Variants in LRGUK observed in about 807,000 individuals in gnomAD.
The protein encoded by LRGUK is leucine-rich repeat and guanylate kinase domain-containing protein.
A neutral mutation model predicts 76.0 loss-of-function variants in LRGUK; 65 were observed. The ratio of observed to expected loss-of-function variants is 0.85; its 90% CI spans 0.70 to 1.05. The LOEUF is 1.05. Ranked by LOEUF, LRGUK falls within the 50% of genes least tolerant of loss-of-function variation. The probability of loss-of-function intolerance (pLI) is 0.00; values close to 1 mark genes in which losing one functional copy is unlikely to be tolerated. For missense variants in LRGUK, 758 were observed against 732.8 expected (o/e 1.03, Z -0.40); for synonymous variants, 268 against 265.6 (o/e 1.01, Z -0.09).
the LRGUK span, among the ~76,000 whole-genome samples, chr7:134,270,642 T>C: frequency 6.6e-6 from 1 of 152,128 alleles, no homozygotes; most frequent in Non-Finnish European, 1.5e-5. Context: ...ATTACATGTA[T>C]TCAGCAATTA....
chr7:134,145,229 G>A lies in LRGUK; in HGVS notation c.588+2067G>A, dbSNP rs185030042. On this transcript the variant is annotated intron_variant, in intron 4 of 15. Coordinates refer to ENST00000645682, the Ensembl canonical transcript of LRGUK. ...GGGAAGGAATGATGGTGGCCTCCTG[G>A]TGTATGTTTTCTTTTCTTTTCTTTT... Among the ~76,000 whole-genome samples, 46 of 152,038 alleles carry A rather than the reference G, an allele frequency of 3.0e-4. 1 individual carries two copies. The highest frequency in any genetic ancestry group is 1.1e-3 in the African/African-American group (45 of 41,462).
chr7:134,190,109 G>C (rs1172936691), intron 11 of LRGUK, among the ~76,000 whole-genome samples: 2 of 152,128 alleles, frequency 1.3e-5, no homozygotes, highest in African/African-American at 2.4e-5. Context: ...TTCATTATTT[G>C]TAAAATAAAA....
chr7:134,180,431 A>G (rs1799693026), intron 10 of LRGUK, among the ~76,000 whole-genome samples: 1 of 152,084 alleles, frequency 6.6e-6, no homozygotes, highest in East Asian at 1.9e-4. Context: ...GATGGATTAA[A>G]TACCTCCTGA....
In LRGUK at chr7:134,148,335, G is replaced by A. The variant is rs369249821; in HGVS notation, c.670+16G>A. ...ATTTTGGATGGTATCCTTTGAATAA[G>A]TAAAGGGGAAAATTTTAAAAACAAT... On this transcript the variant is annotated intron_variant, in intron 5 of 15. Transcript: ENST00000645682. 106 of 1,432,478 alleles carry A rather than the reference G, an allele frequency of 7.4e-5. No individual in the cohort carries two copies. In the African/African-American group the frequency reaches 1.2e-3, roughly 16 times the overall value. The allele number at this position is 1,432,478 out of a possible 1,614,324, so 88.7% of individuals were successfully genotyped here.
intron 15 of LRGUK, among the ~76,000 whole-genome samples, chr7:134,206,653 C>T (rs1040483422): frequency 1.6e-4 from 25 of 151,526 alleles, no homozygotes; most frequent in African/African-American, 5.6e-4. Flanking sequence ...TTCTAATACC[C>T]GAAGGCTTAA....
At chr7:134,275,758 G>A in the LRGUK span, among the ~76,000 whole-genome samples, 1 of 152,070 alleles carries the variant, frequency 6.6e-6, no homozygotes, top group Admixed American at 6.6e-5. Context: ...AATTTCTAGA[G>A]AGCACTAAGT....
chr7:134,183,025 G>A (rs1217818693), intron 10 of LRGUK, among the ~76,000 whole-genome samples: 1 of 152,196 alleles, frequency 6.6e-6, no homozygotes, highest in African/African-American at 2.4e-5. Flanking sequence ...CAAAGTGCTG[G>A]GATTACAGGC....
intron 11 of LRGUK, among the ~76,000 whole-genome samples, chr7:134,189,365 A>C (rs1209728477): frequency 6.6e-6 from 1 of 152,148 alleles, no homozygotes; most frequent in African/African-American, 2.4e-5. Flanking sequence ...CTTCACTATG[A>C]AGCATTTTCT....
intron 8 of LRGUK, among the ~76,000 whole-genome samples, chr7:134,176,743 C>T (rs768732209): frequency 2.6e-5 from 4 of 152,078 alleles, no homozygotes; most frequent in Non-Finnish European, 4.4e-5. Flanking sequence ...TCTCAAATCT[C>T]ACAGGGAGAT....
intron 17 of LRGUK, 32 bp from the exon 18 acceptor site, chr7:134,248,919 G>T (rs759167402): frequency 6.6e-5 from 79 of 1,200,130 alleles, no homozygotes; most frequent in Admixed American, 1.0e-4. Context: ...AAATCCTTTG[G>T]TTTTTTTTTT....
At chr7:134,194,412 G>C (rs762564518) in intron 12 of LRGUK, among the ~76,000 whole-genome samples, 9 of 152,006 alleles carry the variant, frequency 5.9e-5, no homozygotes, top group East Asian at 1.9e-4. Context: ...TGTTAGTCAG[G>C]GTTCTCCAGA....
chr7:134,157,535 T>G (rs1798531230), intron 5 of LRGUK, among the ~76,000 whole-genome samples: 1 of 152,230 alleles, frequency 6.6e-6, no homozygotes, highest in Non-Finnish European at 1.5e-5. Flanking sequence ...AGCTATGCGT[T>G]TTTTTGAGAC....
chr7:134,217,398 G>T (rs1394793967), intron 15 of LRGUK, among the ~76,000 whole-genome samples: 1 of 151,958 alleles, frequency 6.6e-6, no homozygotes, highest in Non-Finnish European at 1.5e-5. Flanking sequence ...CCTTTGATTA[G>T]ACACTCAAGA....
intron 5 of LRGUK, among the ~76,000 whole-genome samples, chr7:134,155,184 C>T (rs1314321626): frequency 6.6e-6 from 1 of 152,158 alleles, no homozygotes; most frequent in Non-Finnish European, 1.5e-5. Context: ...CCAAAGATTG[C>T]CTGCTCCAAG....
chr7:134,275,331 C>T, the LRGUK span, among the ~76,000 whole-genome samples: 2 of 152,028 alleles, frequency 1.3e-5, no homozygotes, highest in Non-Finnish European at 2.9e-5. Flanking sequence ...TATATGGTAA[C>T]TGTCTCATGG....
intron 16 of LRGUK, among the ~76,000 whole-genome samples, chr7:134,231,423 CCTCCCTTCCTTTCTTCTTTCCTTT>C (rs937157417): frequency 7.3e-5 from 10 of 137,246 alleles, no homozygotes; most frequent in African/African-American, 3.2e-4. Context: ...TTTTTTCCTT[CCTCCCTTCCTTTCTTCTTTCCTTT>C]CTCCCTTCCT....
chr7:134,272,756 T>G, the LRGUK span, among the ~76,000 whole-genome samples: 22,275 of 152,132 alleles, frequency 0.15, 4,161 homozygotes, highest in African/African-American at 0.44. Flanking sequence ...TAACAGAATT[T>G]CTTATTAAGA....
At chr7:134,220,055 T>C (rs1172378011) in intron 15 of LRGUK, among the ~76,000 whole-genome samples, 1 of 152,192 alleles carries the variant, frequency 6.6e-6, no homozygotes, top group Non-Finnish European at 1.5e-5. Flanking sequence ...TATTTACTGC[T>C]GTATCCCCAG....
chr7:134,247,643 A>G (rs781256237), exon 17 of LRGUK: 4 of 1,610,712 alleles, frequency 2.5e-6, no homozygotes, highest in Non-Finnish European at 2.5e-6. Flanking sequence ...CCTATTTCAA[A>G]GGTAGCAATT....
Sources: allele counts gnomAD v4.1 joint callset (sites outside exome capture counted in the v4.1 genomes callset), GRCh38; gene constraint gnomAD v4.1.1; transcripts MANE v1.5; gene names NCBI Gene and HGNC (gene_info 2026-07-23, HGNC 2026-07-21).